CSGALNACT1: variants seen among roughly 807,000 people sequenced by gnomAD.
CSGALNACT1 encodes the protein chondroitin sulfate N-acetylgalactosaminyltransferase 1, also known as beta4GalNAcT-1.
Under a neutral mutation model 51.0 loss-of-function variants are expected in CSGALNACT1, and 52 were observed. The observed-to-expected ratio is 1.02, with a 90% CI of 0.82 to 1.29. The LOEUF is 1.29. CSGALNACT1 is among the 50% of genes most tolerant of loss of function. The pLI is 0.00. For synonymous variants in CSGALNACT1, 341 were observed against 254.4 expected, an observed-to-expected ratio of 1.34 and a Z score of -3.24; for missense variants, 935 against 679.2, an observed-to-expected ratio of 1.38 and a Z score of -4.19.
chr8:19,537,187 T>C (rs2083948088), intron 3 of CSGALNACT1, among the ~76,000 whole-genome samples: 1 of 152,136 alleles, frequency 6.6e-6, no homozygotes, highest in Non-Finnish European at 1.5e-5. Context: ...GGTTAATTTG[T>C]TTCTTTATTA....
chr8:19,631,814 C>A (rs1377537860), intron 1 of CSGALNACT1, among the ~76,000 whole-genome samples: 2 of 152,198 alleles, frequency 1.3e-5, no homozygotes, highest in African/African-American at 4.8e-5. Flanking sequence ...CAGATTTAAA[C>A]AAGTGTGCAG....
chr8:19,648,036 G>A (rs574004365), intron 1 of CSGALNACT1, among the ~76,000 whole-genome samples: 1 of 152,162 alleles, frequency 6.6e-6, no homozygotes, highest in South Asian at 2.1e-4. Flanking sequence ...TTGTTGCTCA[G>A]GGTTTCTATT....
intron 1 of CSGALNACT1, among the ~76,000 whole-genome samples, chr8:19,735,073 C>A (rs1348835609): frequency 1.3e-5 from 2 of 151,984 alleles, no homozygotes; most frequent in Non-Finnish European, 2.9e-5. Flanking sequence ...GGCCAGAGTG[C>A]CAGAAGAGAT....
chr8:19,715,637 CT>C (rs2062762098), intron 1 of CSGALNACT1, among the ~76,000 whole-genome samples: 1 of 151,990 alleles, frequency 6.6e-6, no homozygotes, highest in Admixed American at 6.6e-5. Flanking sequence ...TTTTTCTTGC[CT>C]TTTTGCATGC....
At chr8:19,696,276 T>C (rs936821419) in intron 1 of CSGALNACT1, among the ~76,000 whole-genome samples, 3 of 152,208 alleles carry the variant, frequency 2.0e-5, no homozygotes, top group Admixed American at 2.0e-4. Context: ...CAAACACCAC[T>C]GTAGCATCTT....
At chr8:19,677,330 T>G (rs1167577793) in intron 1 of CSGALNACT1, among the ~76,000 whole-genome samples, 1 of 152,180 alleles carries the variant, frequency 6.6e-6, no homozygotes, top group Admixed American at 6.5e-5. Context: ...AGGCTGGTCT[T>G]GAAGTCCTGA....
intron 3 of CSGALNACT1, among the ~76,000 whole-genome samples, chr8:19,549,017 A>C (rs371920761): frequency 6.6e-6 from 1 of 152,024 alleles, no homozygotes; most frequent in Middle Eastern, 3.4e-3. Context: ...GTGTCTCACT[A>C]TGTTGCCCAT....
chr8:19,630,364 G>C (rs1469318205), intron 1 of CSGALNACT1, among the ~76,000 whole-genome samples: 2 of 152,022 alleles, frequency 1.3e-5, no homozygotes, highest in Non-Finnish European at 2.9e-5. Flanking sequence ...AGACTTACAG[G>C]AGAAGTGAGA....
intron 1 of CSGALNACT1, among the ~76,000 whole-genome samples, chr8:19,609,758 G>T (rs945089449): frequency 6.6e-6 from 1 of 152,042 alleles, no homozygotes; most frequent in Non-Finnish European, 1.5e-5. Context: ...TTCGATTTTG[G>T]TAATAGTTTC....
At chr8:19,710,906 C>T (rs565968330) in intron 1 of CSGALNACT1, among the ~76,000 whole-genome samples, 2 of 152,048 alleles carry the variant, frequency 1.3e-5, no homozygotes, top group African/African-American at 2.4e-5. Flanking sequence ...GCATCACTAC[C>T]GTATGCTCCT....
intron 1 of CSGALNACT1, among the ~76,000 whole-genome samples, chr8:19,695,218 T>A (rs2061526806): frequency 6.6e-6 from 1 of 152,188 alleles, no homozygotes; most frequent in Non-Finnish European, 1.5e-5. Context: ...CATTTCAAGC[T>A]TCTACAGAAC....
At chr8:19,752,167 G>A (rs2065078563) in intron 1 of CSGALNACT1, among the ~76,000 whole-genome samples, 1 of 146,796 alleles carries the variant, frequency 6.8e-6, no homozygotes, top group Non-Finnish European at 1.5e-5. Context: ...TCATATATGA[G>A]TATATATTCA....
At chr8:19,695,164 A>C (rs2061524319) in intron 1 of CSGALNACT1, among the ~76,000 whole-genome samples, 1 of 152,098 alleles carries the variant, frequency 6.6e-6, no homozygotes, top group African/African-American at 2.4e-5. Context: ...AATTCAATAT[A>C]TTTTCACAGT....
At chr8:19,541,120 C>T (rs1328280400) in intron 3 of CSGALNACT1, among the ~76,000 whole-genome samples, 3 of 151,994 alleles carry the variant, frequency 2.0e-5, no homozygotes, top group African/African-American at 7.3e-5. Flanking sequence ...TGCTGTGTCC[C>T]CCAGGCTAGA....
At chr8:19,536,958 C>T (rs2083882234) in intron 3 of CSGALNACT1, among the ~76,000 whole-genome samples, 1 of 152,134 alleles carries the variant, frequency 6.6e-6, no homozygotes, top group East Asian at 1.9e-4. Flanking sequence ...AAGTGAATAT[C>T]CAATCTGAGA....
chr8:19,485,797 A>G (rs1355226524), intron 4 of CSGALNACT1, among the ~76,000 whole-genome samples: 1 of 56,332 alleles, frequency 1.8e-5, no homozygotes. Context: ...ACAGAGTTTC[A>G]CTCTTGCTGC....
chr8:19,659,723 G>C (rs1475103693), intron 1 of CSGALNACT1, among the ~76,000 whole-genome samples: 3 of 152,194 alleles, frequency 2.0e-5, no homozygotes, highest in Admixed American at 1.3e-4. Flanking sequence ...AAGGCTGGCA[G>C]GTCATCCAGC....
chr8:19,513,430 C>CTATATA (rs1457528458), intron 3 of CSGALNACT1, among the ~76,000 whole-genome samples: 14 of 78,724 alleles, frequency 1.8e-4, no homozygotes, highest in African/African-American at 3.5e-4. Flanking sequence ...CTCTCTCTCT[C>CTATATA]TCTCTCTATA....
intron 5 of CSGALNACT1, among the ~76,000 whole-genome samples, chr8:19,446,548 G>A (rs1313681642): frequency 1.3e-5 from 2 of 152,102 alleles, no homozygotes. Context: ...CTGAGAGAGA[G>A]TCTCGCTCTC....
Sources: gnomAD v4.1 joint callset for allele counts (sites outside exome capture counted in the v4.1 genomes callset) on GRCh38, gnomAD v4.1.1 for gene constraint, MANE v1.5 for transcripts, NCBI Gene and HGNC (gene_info 2026-07-23, HGNC 2026-07-21) for gene names.